Variants in KHDRBS2 observed in about 807,000 individuals in gnomAD.
The protein encoded by KHDRBS2 is KH domain-containing, RNA-binding, signal transduction-associated protein 2.
Under a neutral mutation model 44.3 loss-of-function variants are expected in KHDRBS2, and 26 were observed. The observed-to-expected ratio is 0.59, with a 90% CI of 0.43 to 0.81. The LOEUF is 0.81. Ranked by LOEUF, KHDRBS2 falls within the 40% of genes least tolerant of loss-of-function variation. The pLI, the probability that KHDRBS2 is intolerant of heterozygous loss-of-function variation, is 0.00. For missense variants in KHDRBS2, 476 were observed against 433.1 expected, an observed-to-expected ratio of 1.10 and a Z score of -0.88; for synonymous variants, 194 against 151.1, an observed-to-expected ratio of 1.28 and a Z score of -2.08.
chr6:61,692,047 G>T (rs1280692122), intron 8 of KHDRBS2, among the ~76,000 whole-genome samples: 1 of 152,084 alleles, frequency 6.6e-6, no homozygotes, highest in East Asian at 1.9e-4. Context: ...TTTTCTCAGA[G>T]AAGAGAATAT....
At chr6:61,648,379 C>T in the KHDRBS2 span, among the ~76,000 whole-genome samples, 1 of 152,130 alleles carries the variant, frequency 6.6e-6, no homozygotes, top group Non-Finnish European at 1.5e-5. Flanking sequence ...GTAATACCAT[C>T]ATCATGAAAA....
At chr6:62,226,620 C>T (rs1479083171) in intron 1 of KHDRBS2, among the ~76,000 whole-genome samples, 2 of 152,178 alleles carry the variant, frequency 1.3e-5, no homozygotes, top group African/African-American at 4.8e-5. Context: ...ATGACTACGT[C>T]TCAATGATAC....
chr6:61,801,962 T>C (rs1259002918), intron 6 of KHDRBS2, among the ~76,000 whole-genome samples: 1 of 152,112 alleles, frequency 6.6e-6, no homozygotes, highest in Non-Finnish European at 1.5e-5. Flanking sequence ...TAAATCTGGG[T>C]CAGAGACACT....
intron 2 of KHDRBS2, among the ~76,000 whole-genome samples, chr6:62,106,482 A>G (rs184690021): frequency 6.6e-6 from 1 of 152,224 alleles, no homozygotes; most frequent in Admixed American, 6.5e-5. Context: ...GTGCATACAT[A>G]TTTAGGATAG....
intron 1 of KHDRBS2, among the ~76,000 whole-genome samples, chr6:62,275,428 T>A (rs1443529433): frequency 2.6e-5 from 4 of 152,214 alleles, no homozygotes; most frequent in African/African-American, 9.6e-5. Context: ...GGATGATTCT[T>A]AATCCAATTT....
intron 3 of KHDRBS2, among the ~76,000 whole-genome samples, chr6:61,989,865 C>G (rs562414842): frequency 1.4e-4 from 21 of 152,154 alleles, no homozygotes; most frequent in Non-Finnish European, 2.5e-4. Context: ...ATAGCTCCAC[C>G]TTAGCATAGA....
At chr6:61,753,885 T>C in intron 6 of KHDRBS2, among the ~76,000 whole-genome samples, 1 of 152,088 alleles carries the variant, frequency 6.6e-6, no homozygotes, top group East Asian at 1.9e-4. Flanking sequence ...TTAACTACCA[T>C]CAGAAGTGTC....
At chr6:61,602,706 C>A in the KHDRBS2 span, among the ~76,000 whole-genome samples, 13 of 152,152 alleles carry the variant, frequency 8.5e-5, no homozygotes, top group Non-Finnish European at 1.8e-4. Context: ...ACATTACCTT[C>A]TTTTCAAGGG....
chr6:61,734,526 G>A (rs1775015161), intron 6 of KHDRBS2, among the ~76,000 whole-genome samples: 1 of 151,650 alleles, frequency 6.6e-6, no homozygotes, highest in African/African-American at 2.4e-5. Flanking sequence ...TTTTCTATTG[G>A]CTGTCCATTC....
At chr6:62,128,838 G>A (rs1334014058) in intron 2 of KHDRBS2, among the ~76,000 whole-genome samples, 1 of 151,866 alleles carries the variant, frequency 6.6e-6, no homozygotes, top group Non-Finnish European at 1.5e-5. Flanking sequence ...CCAACATATA[G>A]ATTAATATAA....
intron 6 of KHDRBS2, among the ~76,000 whole-genome samples, chr6:61,859,211 T>A (rs755433049): frequency 7.9e-5 from 12 of 152,036 alleles, no homozygotes; most frequent in Admixed American, 3.3e-4. Flanking sequence ...CTGGAAAGTA[T>A]GTTAATGACT....
At chr6:62,037,615 C>A (rs1785565446) in intron 3 of KHDRBS2, among the ~76,000 whole-genome samples, 1 of 151,944 alleles carries the variant, frequency 6.6e-6, no homozygotes, top group South Asian at 2.1e-4. Flanking sequence ...GCATTACAAG[C>A]TTAGAAATGT....
At chr6:61,809,114 T>A (rs1377634198) in intron 6 of KHDRBS2, among the ~76,000 whole-genome samples, 2 of 152,036 alleles carry the variant, frequency 1.3e-5, no homozygotes, top group African/African-American at 2.4e-5. Context: ...TGTCATGCAA[T>A]GGTATCACAT....
chr6:61,696,546 C>G (rs1333336530), intron 8 of KHDRBS2, among the ~76,000 whole-genome samples: 1 of 151,996 alleles, frequency 6.6e-6, no homozygotes, highest in Admixed American at 6.6e-5. Flanking sequence ...GGTGAGCCAC[C>G]ACGCCCGGCC....
chr6:62,078,291 C>T (rs933385321), intron 2 of KHDRBS2, among the ~76,000 whole-genome samples: 2 of 152,076 alleles, frequency 1.3e-5, no homozygotes, highest in African/African-American at 2.4e-5. Flanking sequence ...ATAGATGATG[C>T]TATAAAATAA....
chr6:61,818,424 A>T (rs1032051863), intron 6 of KHDRBS2, among the ~76,000 whole-genome samples: 2 of 151,984 alleles, frequency 1.3e-5, no homozygotes, highest in African/African-American at 4.8e-5. Flanking sequence ...GGAAGCACCA[A>T]TGCTAAAAAA....
intron 6 of KHDRBS2, among the ~76,000 whole-genome samples, chr6:61,856,351 C>G (rs960419335): frequency 4.6e-5 from 7 of 152,054 alleles, no homozygotes; most frequent in African/African-American, 1.4e-4. Context: ...ACCCTGATAA[C>G]AACAGAAACA....
chr6:61,611,952 A>G, the KHDRBS2 span, among the ~76,000 whole-genome samples: 1 of 152,194 alleles, frequency 6.6e-6, no homozygotes, highest in African/African-American at 2.4e-5. Flanking sequence ...ATTATTCAGG[A>G]ACAATTTAGC....
the KHDRBS2 span, among the ~76,000 whole-genome samples, chr6:61,646,003 A>C: frequency 6.6e-6 from 1 of 152,184 alleles, no homozygotes; most frequent in African/African-American, 2.4e-5. Context: ...TACCAGTTGT[A>C]TAACTGTGGC....
Sources: allele counts gnomAD v4.1 joint callset (sites outside exome capture counted in the v4.1 genomes callset), GRCh38; gene constraint gnomAD v4.1.1; transcripts MANE v1.5; gene names NCBI Gene and HGNC (gene_info 2026-07-23, HGNC 2026-07-21).